The following INVS variants were observed in gnomAD, a reference collection of about 807,000 sequenced individuals.
The protein encoded by INVS is inversin.
Under a neutral mutation model 108.8 loss-of-function variants are expected in INVS, and 86 were observed. The ratio of observed to expected loss-of-function variants is 0.79; its 90% CI spans 0.66 to 0.95. The LOEUF (loss-of-function observed/expected upper bound fraction) is 0.95, where lower values mean the gene tolerates loss of function less well. Among genes scored for constraint, INVS ranks in the 40% least tolerant of loss-of-function variants. INVS has a pLI of 0.00. For synonymous variants in INVS, 455 were observed against 473.5 expected (o/e 0.96, Z 0.51); for missense variants, 1,169 against 1,297.4 (o/e 0.90, Z 1.52).
intron 2 of INVS, among the ~76,000 whole-genome samples, chr9:100,112,387 C>T (rs374578311): frequency 1.3e-5 from 2 of 152,142 alleles, no homozygotes; most frequent in African/African-American, 4.8e-5. Flanking sequence ...ATACATATAT[C>T]GGTTACAAAG....
intron 3 of INVS, among the ~76,000 whole-genome samples, chr9:100,152,765 AT>A (rs1421154761): frequency 2.0e-5 from 3 of 152,130 alleles, no homozygotes; most frequent in Non-Finnish European, 4.4e-5. Flanking sequence ...ATAACTACTC[AT>A]TTTCAGGCAA....
At chr9:100,235,059 G>A (rs1231715588) in intron 5 of INVS, among the ~76,000 whole-genome samples, 2 of 152,150 alleles carry the variant, frequency 1.3e-5, no homozygotes, top group African/African-American at 4.8e-5. Context: ...TGTATTGGGT[G>A]CATATATATT....
chr9:100,116,248 CAT>C (rs1283852139), intron 2 of INVS, among the ~76,000 whole-genome samples: 5 of 151,864 alleles, frequency 3.3e-5, no homozygotes, highest in Non-Finnish European at 1.5e-5. Flanking sequence ...GGATTACAGA[CAT>C]GAGTCCAGCC....
chr9:100,193,412 A>G (rs1830283276), intron 3 of INVS, among the ~76,000 whole-genome samples: 1 of 152,194 alleles, frequency 6.6e-6, no homozygotes, highest in Admixed American at 6.5e-5. Flanking sequence ...CATTAAGCAC[A>G]TTCACAGCAT....
chr9:100,242,837 A>G (rs1241039982), intron 7 of INVS, among the ~76,000 whole-genome samples, 158 bp downstream of exon 7: 1 of 152,102 alleles, frequency 6.6e-6, no homozygotes, highest in African/African-American at 2.4e-5. Flanking sequence ...TTATTTTTCC[A>G]ATAAGCTTTT....
At chr9:100,121,923 T>A (rs537902449) in intron 2 of INVS, among the ~76,000 whole-genome samples, 1 of 152,214 alleles carries the variant, frequency 6.6e-6, no homozygotes, top group East Asian at 1.9e-4. Context: ...TTATGCTTTT[T>A]AATTTCCCTT....
intron 3 of INVS, among the ~76,000 whole-genome samples, chr9:100,152,670 A>T (rs151273223): frequency 1.5e-3 from 221 of 152,304 alleles, no homozygotes; most frequent in African/African-American, 5.2e-3. Context: ...GCATTACACT[A>T]TATCTCAAAG....
At chr9:100,185,514 GA>G (rs1420781912) in intron 3 of INVS, among the ~76,000 whole-genome samples, 6 of 80,762 alleles carry the variant, frequency 7.4e-5, no homozygotes, top group Non-Finnish European at 9.5e-5. Context: ...TATATGCATA[GA>G]AATATATATA....
intron 10 of INVS, among the ~76,000 whole-genome samples, chr9:100,256,466 T>TTA (rs1832425320): frequency 2.6e-5 from 4 of 152,214 alleles, no homozygotes; most frequent in Admixed American, 6.5e-5. Flanking sequence ...AGCTTTTGAA[T>TTA]GTGGTTGCTC....
At chr9:100,190,920 G>A (rs926020117) in intron 3 of INVS, among the ~76,000 whole-genome samples, 1 of 151,962 alleles carries the variant, frequency 6.6e-6, no homozygotes, top group Non-Finnish European at 1.5e-5. Flanking sequence ...GAATGCAGTG[G>A]CATGATCATG....
chr9:100,240,507 C>G (rs754073635), intron 6 of INVS, among the ~76,000 whole-genome samples: 4 of 152,052 alleles, frequency 2.6e-5, no homozygotes, highest in East Asian at 1.9e-4. Context: ...GTAACATAAA[C>G]CTCTTTTCAC....
chr9:100,226,831 A>AAAT (rs1357342820), intron 4 of INVS, among the ~76,000 whole-genome samples: 1 of 151,658 alleles, frequency 6.6e-6, no homozygotes, highest in Non-Finnish European at 1.5e-5. Context: ...AAAAAAAAAA[A>AAAT]AAAATCAGTC....
At chr9:100,272,308 G>A (rs1285632752) in intron 11 of INVS, among the ~76,000 whole-genome samples, 2 of 151,898 alleles carry the variant, frequency 1.3e-5, no homozygotes, top group Non-Finnish European at 2.9e-5. Context: ...ATTTATTTTG[G>A]TATAAAATGT....
At chr9:100,191,316 A>T (rs1830214219) in intron 3 of INVS, among the ~76,000 whole-genome samples, 1 of 152,032 alleles carries the variant, frequency 6.6e-6, no homozygotes, top group Non-Finnish European at 1.5e-5. Context: ...AACACTAGTG[A>T]TTCTTTGGTT....
At chr9:100,261,257 G>A (rs1465625447) in intron 10 of INVS, among the ~76,000 whole-genome samples, 1 of 151,182 alleles carries the variant, frequency 6.6e-6, no homozygotes, top group Non-Finnish European at 1.5e-5. Context: ...ATGATACTAG[G>A]AATGCATCTT....
intron 5 of INVS, 59 bp from the exon 6 acceptor site, chr9:100,240,001 C>G (rs1831814599): frequency 3.5e-6 from 5 of 1,445,944 alleles, no homozygotes; most frequent in South Asian, 1.1e-5. Context: ...ATACTTACAC[C>G]AAATGTAATT....
At position 100,284,443 on chromosome 9, in the gene INVS, G is replaced by A. The variant is rs1205359268; in HGVS notation, c.1908G>A (p.Gln636=). 7 of 1,614,054 alleles carry A rather than the reference G, an allele frequency of 4.3e-6. No individual in the cohort carries two copies. The South Asian group carries it at 7.7e-5, about 18-fold the overall frequency. ...GCACCCAGGATGTGCCCAGCAGGCA[G>A]AGCCGGGCCCCCAGCAAGCAGCCTC... The part of the protein sequence containing the change: ...LPSTQDVPSR[Q]SRAPSKQPPA... The change falls in exon 13 of 17, where the codon CAG becomes CAA. Residue 636 remains glutamine (Q), a synonymous_variant. Coordinates refer to ENST00000262457, the MANE Select transcript of INVS (RefSeq NM_014425.5).
chr9:100,104,438 G>A (rs1827105118), intron 1 of INVS, 60 bp from the exon 2 acceptor site: 1 of 891,896 alleles, frequency 1.1e-6, no homozygotes, highest in African/African-American at 1.6e-5. Flanking sequence ...ACTTGGAACT[G>A]ATGAGACAGG....
At chr9:100,198,479 C>T (rs1035063856) in intron 3 of INVS, among the ~76,000 whole-genome samples, 3 of 150,522 alleles carry the variant, frequency 2.0e-5, no homozygotes, top group Non-Finnish European at 3.0e-5. Flanking sequence ...GTAATAGAGA[C>T]GGGGTTTCTC....
Sources: allele counts gnomAD v4.1 joint callset (sites outside exome capture counted in the v4.1 genomes callset), GRCh38; gene constraint gnomAD v4.1.1; transcripts MANE v1.5; gene names NCBI Gene and HGNC (gene_info 2026-07-23, HGNC 2026-07-21).